ATXN8OS: variants seen among roughly 807,000 people sequenced by gnomAD.
ATXN8OS encodes ATXN8 opposite strand lncRNA.
intron 3 of ATXN8OS, among the ~76,000 whole-genome samples, chr13:70,138,383 A>T (rs1023245093): frequency 1.9e-5 from 1 of 53,508 alleles, no homozygotes; most frequent in East Asian, 1.2e-3. Flanking sequence ...TTAAATGTTA[A>T]TTTTTTATCA....
chr13:70,166,292 A>C (rs1486667450), intron 4 of ATXN8OS, among the ~76,000 whole-genome samples: 2 of 152,140 alleles, frequency 1.3e-5, no homozygotes, highest in Non-Finnish European at 2.9e-5. Flanking sequence ...TAACCAAAAC[A>C]GCATGGTACT....
chr13:70,143,644 G>A (rs1022443459), intron 3 of ATXN8OS, among the ~76,000 whole-genome samples: 1 of 152,038 alleles, frequency 6.6e-6, no homozygotes, highest in Non-Finnish European at 1.5e-5. Flanking sequence ...TGAGCGGTGG[G>A]TACCTCACCT....
chr13:70,114,462 A>G (rs770809726), intron 1 of ATXN8OS, among the ~76,000 whole-genome samples: 2 of 152,204 alleles, frequency 1.3e-5, no homozygotes, highest in Non-Finnish European at 1.5e-5. Context: ...AATTATTGAA[A>G]TCATAGCCTA....
chr13:70,147,203 A>C (rs913343857), intron 3 of ATXN8OS, among the ~76,000 whole-genome samples: 1 of 152,208 alleles, frequency 6.6e-6, no homozygotes, highest in African/African-American at 2.4e-5. Flanking sequence ...TGCGTTCTAG[A>C]AAAGAAATAT....
At chr13:70,157,022 T>C (rs548218852) in intron 4 of ATXN8OS, among the ~76,000 whole-genome samples, 18 of 152,236 alleles carry the variant, frequency 1.2e-4, no homozygotes, top group African/African-American at 4.1e-4. Context: ...ACCGTAGATA[T>C]AAATATAATA....
intron 4 of ATXN8OS, among the ~76,000 whole-genome samples, chr13:70,155,337 C>A (rs571469050): frequency 6.6e-6 from 1 of 152,190 alleles, no homozygotes; most frequent in South Asian, 2.1e-4. Flanking sequence ...AAGGCGAGAT[C>A]TTTTTTAGGA....
intron 2 of ATXN8OS, among the ~76,000 whole-genome samples, chr13:70,118,278 A>G (rs184119097): frequency 2.6e-5 from 4 of 152,256 alleles, no homozygotes; most frequent in Admixed American, 2.0e-4. Context: ...CTTAACAGAA[A>G]TGACATTTCA....
At chr13:70,141,386 TTTTG>T (rs1306150921) in intron 3 of ATXN8OS, among the ~76,000 whole-genome samples, 2 of 152,326 alleles carry the variant, frequency 1.3e-5, no homozygotes, top group Middle Eastern at 3.4e-3. Flanking sequence ...ACCATATATT[TTTTG>T]TTTGAGTGGA....
intron 3 of ATXN8OS, chr13:70,130,949 A>T: frequency 5.0e-6 from 2 of 398,498 alleles, no homozygotes; most frequent in Non-Finnish European, 8.9e-6. Context: ...AAGGAAGATG[A>T]CGTATTTTAA....
chr13:70,146,077 AAC>A (rs1888782241), intron 3 of ATXN8OS, among the ~76,000 whole-genome samples: 1 of 106,466 alleles, frequency 9.4e-6, no homozygotes, highest in Admixed American at 9.5e-5. Flanking sequence ...AAAAAAAAAA[AAC>A]AACCCCATCA....
chr13:70,136,058 G>C (rs1888609031), intron 3 of ATXN8OS, among the ~76,000 whole-genome samples: 1 of 152,192 alleles, frequency 6.6e-6, no homozygotes, highest in South Asian at 2.1e-4. Context: ...AAGCAAATTA[G>C]AAAATCCTCT....
intron 3 of ATXN8OS, among the ~76,000 whole-genome samples, chr13:70,138,139 GAC>G (rs1215920502): frequency 2.0e-5 from 3 of 152,132 alleles, no homozygotes; most frequent in African/African-American, 7.2e-5. Context: ...TTTGGGTGCC[GAC>G]ACAGAGCCAG....
chr13:70,115,195 T>A (rs1198904075), exon 2 of ATXN8OS: 2 of 398,336 alleles, frequency 5.0e-6, no homozygotes, highest in Non-Finnish European at 4.4e-6. Context: ...CTAAAGAGAA[T>A]CTTCTTGCTC....
At chr13:70,165,624 T>C (rs1363508732) in intron 4 of ATXN8OS, among the ~76,000 whole-genome samples, 1 of 151,870 alleles carries the variant, frequency 6.6e-6, no homozygotes, top group African/African-American at 2.4e-5. Flanking sequence ...AAATCATACA[T>C]ATGAGGAAAA....
At chr13:70,107,594 C>T (rs746410016), upstream of ATXN8OS, 3 of 1,598,850 alleles carry the variant, frequency 1.9e-6, no homozygotes, top group South Asian at 2.3e-5. Flanking sequence ...TGCAGGCAGC[C>T]TCCCCCCGCC....
chr13:70,112,944 A>ATT (rs1888219373), intron 1 of ATXN8OS, among the ~76,000 whole-genome samples: 1 of 62,326 alleles, frequency 1.6e-5, no homozygotes, highest in African/African-American at 5.2e-5. Context: ...TTTTTTTGAG[A>ATT]TGGAGTCTCG....
chr13:70,149,791 C>T (rs914968630), intron 4 of ATXN8OS, among the ~76,000 whole-genome samples: 1 of 152,052 alleles, frequency 6.6e-6, no homozygotes, highest in Non-Finnish European at 1.5e-5. Context: ...GAATGATTAG[C>T]CATTCCAATT....
intron 4 of ATXN8OS, among the ~76,000 whole-genome samples, chr13:70,165,573 T>A (rs1889067453): frequency 6.6e-6 from 1 of 152,068 alleles, no homozygotes; most frequent in African/African-American, 2.4e-5. Context: ...TAAAATTTGT[T>A]AGGATTCATC....
intron 1 of ATXN8OS, among the ~76,000 whole-genome samples, chr13:70,111,366 C>G (rs1463350108): frequency 6.6e-6 from 1 of 152,152 alleles, no homozygotes; most frequent in East Asian, 1.9e-4. Flanking sequence ...AGTCTAAGTT[C>G]TAGAGGCTGC....
Sources: allele counts gnomAD v4.1 joint callset (sites outside exome capture counted in the v4.1 genomes callset), GRCh38; gene constraint gnomAD v4.1.1; transcripts MANE v1.5; gene names NCBI Gene and HGNC (gene_info 2026-07-23, HGNC 2026-07-21).